Variants in RGS7 observed in about 807,000 individuals in gnomAD.
RGS7 encodes the protein regulator of G protein signaling 7, also known as regulator of G-protein signaling 7.
In RGS7, 27 loss-of-function variants were observed where a neutral mutation model predicts 81.1. The observed-to-expected ratio is 0.33, with a 90% CI of 0.25 to 0.46. The LOEUF is 0.46. Among genes scored for constraint, RGS7 ranks in the 20% least tolerant of loss-of-function variants. RGS7 has a pLI of 1.00. For synonymous variants in RGS7, 208 were observed against 207.7 expected (o/e 1.00, Z -0.01); for missense variants, 396 against 607.4 (o/e 0.65, Z 3.66).
chr1:241,022,685 CT>C lies in RGS7; in HGVS notation c.176-39557del, dbSNP rs1441242916. Among the ~76,000 whole-genome samples the C allele has an allele frequency of 1.5e-4, 23 of 152,300 alleles. No individual in the cohort carries two copies. The East Asian group carries it at 4.2e-3, about 28-fold the overall frequency. On this transcript the variant is annotated intron_variant, in intron 3 of 18. Coordinates refer to ENST00000440928, the MANE Select transcript of RGS7 (RefSeq NM_001364886.1). ...ACCCACCAAATTATCCTTAAAAACC[CT>C]GATCCCTGAGTTTTCAGGAAAATTG... is the stretch of plus-strand genomic sequence containing the variant.
chr1:241,171,791 T>TA (rs2070754085), intron 2 of RGS7, among the ~76,000 whole-genome samples: 1 of 152,212 alleles, frequency 6.6e-6, no homozygotes, highest in Non-Finnish European at 1.5e-5. Context: ...CATAACCAGA[T>TA]ACTTTAAATG....
At chr1:240,984,206 G>T (rs1224957508) in intron 3 of RGS7, among the ~76,000 whole-genome samples, 1 of 152,178 alleles carries the variant, frequency 6.6e-6, no homozygotes, top group Non-Finnish European at 1.5e-5. Context: ...AGCAGAGAAA[G>T]AGACATGCAA....
chr1:241,030,957 A>G (rs2148728243), intron 3 of RGS7, among the ~76,000 whole-genome samples: 1 of 152,318 alleles, frequency 6.6e-6, no homozygotes, highest in African/African-American at 2.4e-5. Flanking sequence ...CAAAACATTC[A>G]GCAACTTCTT....
chr1:241,007,582 T>C (rs2058737845), intron 3 of RGS7, among the ~76,000 whole-genome samples: 1 of 152,186 alleles, frequency 6.6e-6, no homozygotes, highest in African/African-American at 2.4e-5. Flanking sequence ...CAAAACCCTT[T>C]TTCTGAGATA....
At chr1:241,236,894 T>C (rs528501119) in intron 2 of RGS7, among the ~76,000 whole-genome samples, 341 of 152,348 alleles carry the variant, frequency 2.2e-3, no homozygotes, top group Non-Finnish European at 2.6e-3. Context: ...ACCTATGCTT[T>C]GTTAATATTA....
At chr1:241,230,456 T>C (rs1012729554) in intron 2 of RGS7, among the ~76,000 whole-genome samples, 1 of 152,162 alleles carries the variant, frequency 6.6e-6, no homozygotes, top group African/African-American at 2.4e-5. Context: ...TCAACTGATC[T>C]GCCCACCTTA....
intron 6 of RGS7, among the ~76,000 whole-genome samples, chr1:240,901,122 C>T (rs1669938669): frequency 6.6e-6 from 1 of 152,156 alleles, no homozygotes; most frequent in South Asian, 2.1e-4. Context: ...CCTGGTGTGC[C>T]GTTTGCTAAG....
chr1:240,960,264 GACA>G (rs1321792328), intron 4 of RGS7, among the ~76,000 whole-genome samples: 1,029 of 82,010 alleles, frequency 0.013, 5 homozygotes, highest in Middle Eastern at 0.054. Flanking sequence ...TTTTTTTTGA[GACA>G]GGGTCTTGCT....
intron 9 of RGS7, among the ~76,000 whole-genome samples, chr1:240,831,375 T>G (rs947850030): frequency 7.2e-5 from 11 of 152,228 alleles, no homozygotes; most frequent in Admixed American, 7.2e-4. Flanking sequence ...TCAGAAGTCA[T>G]GCACTGTGGT....
intron 2 of RGS7, among the ~76,000 whole-genome samples, chr1:241,227,614 G>C (rs187415765): frequency 6.7e-6 from 1 of 148,964 alleles, no homozygotes; most frequent in Admixed American, 6.7e-5. Flanking sequence ...GGGCATGGTG[G>C]TGTGCACCTG....
intron 4 of RGS7, among the ~76,000 whole-genome samples, chr1:240,974,442 C>T (rs1683758096): frequency 6.6e-6 from 1 of 152,176 alleles, no homozygotes; most frequent in Non-Finnish European, 1.5e-5. Context: ...TCCGATGCCA[C>T]TTCAGTGAAT....
chr1:241,179,117 C>G (rs1342873102), intron 2 of RGS7, among the ~76,000 whole-genome samples: 2 of 152,160 alleles, frequency 1.3e-5, no homozygotes, highest in South Asian at 2.1e-4. Flanking sequence ...TGTTTTGAGA[C>G]AGAGTCTCAC....
chr1:241,155,589 A>C (rs1435409092), intron 2 of RGS7, among the ~76,000 whole-genome samples: 1 of 151,990 alleles, frequency 6.6e-6, no homozygotes, highest in African/African-American at 2.4e-5. Context: ...AAAAAAAAAA[A>C]AAAAAGGAAA....
chr1:241,351,003 T>C (rs1012868126), intron 2 of RGS7, among the ~76,000 whole-genome samples: 3 of 152,172 alleles, frequency 2.0e-5, no homozygotes, highest in African/African-American at 4.8e-5. Flanking sequence ...ACTTCAGAAG[T>C]AGCTTTCAAA....
chr1:241,060,582 C>T (rs985556223), intron 3 of RGS7, among the ~76,000 whole-genome samples: 2 of 152,142 alleles, frequency 1.3e-5, no homozygotes, highest in East Asian at 3.9e-4. Flanking sequence ...TTGGAAGCAA[C>T]TGACTTCTTG....
chr1:241,030,701 C>T (rs1265333948), intron 3 of RGS7, among the ~76,000 whole-genome samples: 1 of 152,142 alleles, frequency 6.6e-6, no homozygotes, highest in Admixed American at 6.6e-5. Context: ...GACTATACCA[C>T]TGCAATCTGG....
intron 2 of RGS7, among the ~76,000 whole-genome samples, chr1:241,213,110 T>C (rs560910182): frequency 2.6e-5 from 4 of 152,308 alleles, no homozygotes; most frequent in African/African-American, 9.6e-5. Flanking sequence ...AGAACACATT[T>C]GGGGTGTTGT....
chr1:240,811,225 A>G (rs1462422479), intron 14 of RGS7, among the ~76,000 whole-genome samples: 1 of 152,264 alleles, frequency 6.6e-6, no homozygotes, highest in Non-Finnish European at 1.5e-5. Context: ...AGTCTTATAT[A>G]GTGGAAAGTT....
At chr1:241,004,382 A>G (rs943096774) in intron 3 of RGS7, among the ~76,000 whole-genome samples, 6 of 152,180 alleles carry the variant, frequency 3.9e-5, no homozygotes, top group African/African-American at 1.4e-4. Flanking sequence ...CATGGTAAAA[A>G]GAATGGAGGG....
Sources: allele counts gnomAD v4.1 joint callset (sites outside exome capture counted in the v4.1 genomes callset), GRCh38; gene constraint gnomAD v4.1.1; transcripts MANE v1.5; gene names NCBI Gene and HGNC (gene_info 2026-07-23, HGNC 2026-07-21).